The following TRERF1 variants were observed in gnomAD, a reference collection of about 807,000 sequenced individuals.
TRERF1 encodes transcriptional regulating factor 1.
A neutral mutation model predicts 122.9 loss-of-function variants in TRERF1; 27 were observed. The ratio of observed to expected loss-of-function variants is 0.22; its 90% confidence interval spans 0.16 to 0.30. The LOEUF (loss-of-function observed/expected upper bound fraction) is 0.30. Among genes scored for constraint, TRERF1 ranks in the 10% least tolerant of loss-of-function variants. The probability of loss-of-function intolerance (pLI) is 1.00; values close to 1 mark genes in which losing one functional copy is unlikely to be tolerated. For synonymous variants in TRERF1, 636 were observed against 641.7 expected (o/e 0.99, Z 0.13); for missense variants, 1,248 against 1,560.3 (o/e 0.80, Z 3.37).
intron 16 of TRERF1, among the ~76,000 whole-genome samples, chr6:42,233,492 A>C (rs150356629): frequency 1.6e-3 from 240 of 151,792 alleles, no homozygotes; most frequent in African/African-American, 4.5e-3. Flanking sequence ...TCACCGTGTT[A>C]GCCAGGATGG....
intron 2 of TRERF1, among the ~76,000 whole-genome samples, chr6:42,450,178 GCAT>G (rs2151849620): frequency 6.6e-6 from 1 of 152,312 alleles, no homozygotes; most frequent in East Asian, 1.9e-4. Flanking sequence ...CAGTCAGTGA[GCAT>G]CAACACCACA....
chr6:42,244,811 C>T (rs1774446953), intron 14 of TRERF1, among the ~76,000 whole-genome samples: 1 of 152,230 alleles, frequency 6.6e-6, no homozygotes, highest in South Asian at 2.1e-4. Flanking sequence ...ATGGGCCTTG[C>T]CCTATTCAAC....
chr6:42,439,468 C>G (rs1786090445), intron 2 of TRERF1, among the ~76,000 whole-genome samples: 1 of 152,152 alleles, frequency 6.6e-6, no homozygotes, highest in African/African-American at 2.4e-5. Flanking sequence ...CCTGTAATCC[C>G]AGCTACTCAG....
At chr6:42,265,242 C>CAGGTT (rs1778944344) in intron 6 of TRERF1, among the ~76,000 whole-genome samples, 2 of 152,244 alleles carry the variant, frequency 1.3e-5, no homozygotes, top group African/African-American at 2.4e-5. Flanking sequence ...AGCCGCCGTA[C>CAGGTT]TGCACGCTTC....
chr6:42,292,126 C>T (rs1784417774), intron 4 of TRERF1, among the ~76,000 whole-genome samples: 2 of 152,324 alleles, frequency 1.3e-5, no homozygotes, highest in South Asian at 2.1e-4. Flanking sequence ...GACACATGTG[C>T]TCCCAGGGAG....
chr6:42,451,443 C>T (rs1455442418), intron 1 of TRERF1, among the ~76,000 whole-genome samples, 182 bp from the exon 2 acceptor site: 1 of 151,844 alleles, frequency 6.6e-6, no homozygotes, highest in Non-Finnish European at 1.5e-5. Flanking sequence ...GTGTGCTCCC[C>T]CACCCAGGGT....
At chr6:42,279,410 GGGA>G (rs1383956095) in intron 4 of TRERF1, among the ~76,000 whole-genome samples, 3 of 152,202 alleles carry the variant, frequency 2.0e-5, no homozygotes, top group Non-Finnish European at 4.4e-5. Flanking sequence ...CTGGGAGAAT[GGGA>G]GGAGATTTCC....
At chr6:42,226,688 A>T (rs1446553768) in exon 18 of TRERF1, 1 of 152,232 alleles carries the variant, frequency 6.6e-6, no homozygotes, top group Non-Finnish European at 1.5e-5. Context: ...TGTGGCTCAC[A>T]GCCAGTTCCC....
intron 2 of TRERF1, among the ~76,000 whole-genome samples, chr6:42,449,814 GA>G (rs1265998616): frequency 1.3e-5 from 2 of 152,100 alleles, no homozygotes; most frequent in Non-Finnish European, 2.9e-5. Context: ...AGTTAGGAAA[GA>G]AAAAAAGCAC....
chr6:42,383,654 A>C (rs1234008941), intron 2 of TRERF1, among the ~76,000 whole-genome samples: 1 of 152,174 alleles, frequency 6.6e-6, no homozygotes, highest in African/African-American at 2.4e-5. Context: ...ACTCGTTTTC[A>C]TCACCAGAGA....
intron 4 of TRERF1, among the ~76,000 whole-genome samples, chr6:42,295,526 C>T (rs1410410959): frequency 6.6e-6 from 1 of 152,214 alleles, no homozygotes; most frequent in Non-Finnish European, 1.5e-5. Flanking sequence ...ACCACTTCTA[C>T]ACCCAGGATG....
intron 4 of TRERF1, among the ~76,000 whole-genome samples, chr6:42,277,905 G>GAAGAAGAAGAAGAAGAA (rs1321566764): frequency 1.3e-4 from 11 of 85,078 alleles, no homozygotes; most frequent in East Asian, 3.5e-4. Flanking sequence ...GAAGGAAGAA[G>GAAGAAGAAGAAGAAGAA]GAAGAAGAAG....
chr6:42,390,131 G>A (rs961443588), intron 2 of TRERF1, among the ~76,000 whole-genome samples: 4 of 152,318 alleles, frequency 2.6e-5, no homozygotes, highest in Non-Finnish European at 4.4e-5. Flanking sequence ...AGTGTCGGGG[G>A]AGAATTCTAC....
At chr6:42,369,049 G>C (rs187781946) in intron 2 of TRERF1, among the ~76,000 whole-genome samples, 336 of 152,280 alleles carry the variant, frequency 2.2e-3, no homozygotes, top group African/African-American at 7.8e-3. Context: ...TCAGTCTGGA[G>C]TGGGGCTCTG....
chr6:42,337,583 G>A lies in TRERF1; in HGVS notation c.-371+25414C>T, dbSNP rs143008142. 2.3e-3 allele frequency among the ~76,000 whole-genome samples: 355 copies of A among 152,296 alleles called. 1 individual carries two copies. Among genetic ancestry groups the A allele is most frequent in the African/African-American group, 7.8e-3 (323 of 41,562 alleles). Reference sequence around the variant, plus strand: ...CAAAATGAGCCACAGACAGGCACGCGTAATGTGAGAGCTCAGTGGAGGGGA... The same window carrying A: ...CAAAATGAGCCACAGACAGGCACGCATAATGTGAGAGCTCAGTGGAGGGGA... On this transcript the variant is annotated intron_variant, in intron 3 of 17. Transcript: ENST00000372922.
At chr6:42,367,192 C>T (rs987768133) in intron 2 of TRERF1, among the ~76,000 whole-genome samples, 3 of 152,146 alleles carry the variant, frequency 2.0e-5, no homozygotes, top group African/African-American at 7.2e-5. Flanking sequence ...ATAAGGGGCA[C>T]ACTCAGTGTT....
rs140583674 is a variant in TRERF1, at chr6:42,232,180, A to G, written c.3278+501T>C. 3.2e-3 allele frequency among the ~76,000 whole-genome samples: 487 copies of G among 152,372 alleles called. 2 individuals carry two copies. The highest frequency in any genetic ancestry group is 0.011 in the African/African-American group (447 of 41,586). On this transcript the variant is annotated intron_variant, in intron 17 of 17. Transcript: ENST00000372922. The surrounding 1 kb of genome is among the most constrained non-coding windows in gnomAD (Gnocchi z 4.5). ...GAAGCATGACAACAAAAAGTAATTG[A>G]GGCTTTGTCTTAAAGTGATAGCAAA...
At chr6:42,416,527 C>T (rs190226146) in intron 2 of TRERF1, among the ~76,000 whole-genome samples, 1 of 152,244 alleles carries the variant, frequency 6.6e-6, no homozygotes, top group East Asian at 1.9e-4. Flanking sequence ...CCTATCCTTA[C>T]CTTCCTGTTC....
intron 3 of TRERF1, among the ~76,000 whole-genome samples, chr6:42,355,905 A>C (rs1301964523): frequency 6.6e-6 from 1 of 152,204 alleles, no homozygotes; most frequent in Non-Finnish European, 1.5e-5. Context: ...GAGGCACATG[A>C]AGGTTATAGA....
Sources: allele counts gnomAD v4.1 joint callset (sites outside exome capture counted in the v4.1 genomes callset), GRCh38; gene constraint gnomAD v4.1.1; non-coding constraint Gnocchi (gnomAD v3.1); transcripts MANE v1.5; gene names NCBI Gene and HGNC (gene_info 2026-07-23, HGNC 2026-07-21).